Variants in SYT1 observed in about 807,000 individuals in gnomAD.
The protein encoded by SYT1 is synaptotagmin-1.
SYT1 carries 8 observed loss-of-function variants against 44.8 expected under a neutral mutation model. That is an observed-to-expected ratio of 0.18 (90% CI 0.10 to 0.32). The LOEUF (loss-of-function observed/expected upper bound fraction) is 0.32, where lower values mean the gene tolerates loss of function less well. Ranked by LOEUF, SYT1 falls within the 10% of genes least tolerant of loss-of-function variation. The pLI is 1.00. For missense variants in SYT1, 286 were observed against 509.3 expected, an observed-to-expected ratio of 0.56 and a Z score of 4.22; for synonymous variants, 154 against 188.8, an observed-to-expected ratio of 0.82 and a Z score of 1.51.
chr12:79,387,169 C>A (rs117760905), intron 9 of SYT1, among the ~76,000 whole-genome samples: 4,999 of 152,242 alleles, frequency 0.033, 130 homozygotes, highest in Non-Finnish European at 0.051. Context: ...TCTTACCCAC[C>A]TTGTAATCTT....
intron 8 of SYT1, among the ~76,000 whole-genome samples, chr12:79,314,750 C>G (rs1173533425): frequency 6.6e-6 from 1 of 151,832 alleles, no homozygotes; most frequent in Non-Finnish European, 1.5e-5. Context: ...TGTATACACA[C>G]CAAAAAAAAT....
chr12:79,434,485 G>A (rs1469137448), intron 9 of SYT1, among the ~76,000 whole-genome samples: 1 of 152,136 alleles, frequency 6.6e-6, no homozygotes, highest in African/African-American at 2.4e-5. Context: ...ACTGCCAGTG[G>A]TAGAAACAGA....
intron 9 of SYT1, among the ~76,000 whole-genome samples, chr12:79,409,059 CAGTT>C (rs1216218055): frequency 2.0e-5 from 3 of 152,064 alleles, no homozygotes; most frequent in Non-Finnish European, 4.4e-5. Flanking sequence ...ATAAAGCAAG[CAGTT>C]AGTTCCACAA....
At chr12:78,927,126 C>T (rs1440908241) in intron 1 of SYT1, among the ~76,000 whole-genome samples, 1 of 152,110 alleles carries the variant, frequency 6.6e-6, no homozygotes, top group Non-Finnish European at 1.5e-5. Flanking sequence ...CTCCTCAGGA[C>T]CCAAGTCCTC....
intron 2 of SYT1, among the ~76,000 whole-genome samples, chr12:79,019,978 A>G (rs1872077544): frequency 6.6e-6 from 1 of 151,982 alleles, no homozygotes; most frequent in Admixed American, 6.6e-5. Flanking sequence ...CCTCATTTTG[A>G]GAAACAAAAG....
chr12:78,986,046 G>A (rs73351432), intron 2 of SYT1, among the ~76,000 whole-genome samples: 2,036 of 151,944 alleles, frequency 0.013, 46 homozygotes, highest in African/African-American at 0.044. Context: ...AAACTTAACT[G>A]GTTTTATCAG....
At chr12:79,439,945 G>T (rs966678680) in intron 9 of SYT1, among the ~76,000 whole-genome samples, 9 of 152,092 alleles carry the variant, frequency 5.9e-5, no homozygotes, top group East Asian at 1.9e-4. Flanking sequence ...AGCCTTTCTG[G>T]CTGGGCACAA....
chr12:79,189,225 G>A (rs1331387885), intron 3 of SYT1, among the ~76,000 whole-genome samples: 5 of 152,204 alleles, frequency 3.3e-5, no homozygotes, highest in South Asian at 2.1e-4. Context: ...AGCTTCTTGG[G>A]TTTGAATTCA....
At chr12:79,417,687 G>A (rs1032580939) in intron 9 of SYT1, among the ~76,000 whole-genome samples, 1 of 152,060 alleles carries the variant, frequency 6.6e-6, no homozygotes, top group Non-Finnish European at 1.5e-5. Context: ...CTTGTAAATG[G>A]CATCATTTAC....
chr12:78,867,306 G>A (rs753469192), intron 1 of SYT1, among the ~76,000 whole-genome samples: 21 of 152,034 alleles, frequency 1.4e-4, no homozygotes, highest in Non-Finnish European at 2.4e-4. Context: ...CTTGGTTTGT[G>A]ACATTTATTT....
intron 1 of SYT1, among the ~76,000 whole-genome samples, chr12:78,932,280 T>A (rs969967067): frequency 6.6e-6 from 1 of 152,184 alleles, no homozygotes; most frequent in African/African-American, 2.4e-5. Context: ...GCTTATAGAA[T>A]AACCTGATAG....
intron 9 of SYT1, among the ~76,000 whole-genome samples, chr12:79,371,174 A>G (rs1303867946): frequency 6.6e-6 from 1 of 152,204 alleles, no homozygotes; most frequent in East Asian, 1.9e-4. Flanking sequence ...AGGTTTGGAA[A>G]AGAGACTCGC....
intron 3 of SYT1, among the ~76,000 whole-genome samples, chr12:79,100,902 A>G (rs1878409234): frequency 6.6e-6 from 1 of 152,148 alleles, no homozygotes; most frequent in Admixed American, 6.5e-5. Flanking sequence ...TATTATGTTT[A>G]GGTGCTCTGT....
intron 9 of SYT1, among the ~76,000 whole-genome samples, chr12:79,437,605 T>G (rs2078269202): frequency 6.6e-6 from 1 of 152,180 alleles, no homozygotes. Flanking sequence ...TCCCTATAAT[T>G]GGAGAAAAAT....
chr12:79,054,625 T>G (rs1736688261), intron 3 of SYT1, among the ~76,000 whole-genome samples: 1 of 151,980 alleles, frequency 6.6e-6, no homozygotes, highest in Admixed American at 6.6e-5. Context: ...CCTTCATTCT[T>G]TATTCAACAG....
At chr12:79,429,230 G>A (rs959774217) in intron 9 of SYT1, among the ~76,000 whole-genome samples, 3 of 151,906 alleles carry the variant, frequency 2.0e-5, no homozygotes, top group Non-Finnish European at 2.9e-5. Context: ...TTTTTGAAAC[G>A]GAGTCTCGCT....
intron 9 of SYT1, among the ~76,000 whole-genome samples, chr12:79,405,413 A>G (rs1045440138): frequency 3.3e-5 from 5 of 152,206 alleles, no homozygotes; most frequent in Middle Eastern, 3.2e-3. Context: ...TGATTAATTT[A>G]TCTAGAATTT....
At chr12:78,943,397 C>G (rs1878489561) in intron 1 of SYT1, among the ~76,000 whole-genome samples, 1 of 152,172 alleles carries the variant, frequency 6.6e-6, no homozygotes, top group Non-Finnish European at 1.5e-5. Context: ...AGGCACCTCA[C>G]ATGGTCAGAG....
chr12:78,864,768 G>GC (rs1873437791), upstream of SYT1: 1 of 154,484 alleles, frequency 6.5e-6, no homozygotes. Context: ...ACCGAGTACT[G>GC]CCCCCAGTGT....
Sources: gnomAD v4.1 joint callset for allele counts (sites outside exome capture counted in the v4.1 genomes callset) on GRCh38, gnomAD v4.1.1 for gene constraint, MANE v1.5 for transcripts, NCBI Gene and HGNC (gene_info 2026-07-23, HGNC 2026-07-21) for gene names.